Variants in C1orf87 observed in about 807,000 individuals in gnomAD.
C1orf87 encodes chromosome 1 open reading frame 87, also known as uncharacterized protein C1orf87.
Under a neutral mutation model 60.5 loss-of-function variants are expected in C1orf87, and 58 were observed. The ratio of observed to expected loss-of-function variants is 0.96; its 90% CI spans 0.78 to 1.19. The LOEUF (loss-of-function observed/expected upper bound fraction) is 1.19. Among genes scored for constraint, C1orf87 ranks in the 50% most tolerant of loss-of-function variants. C1orf87 has a pLI of 0.00. For synonymous variants in C1orf87, 236 were observed against 227.4 expected (o/e 1.04, Z -0.34); for missense variants, 673 against 638.6 (o/e 1.05, Z -0.58).
chr1:59,992,988 T>C (rs1362350705), intron 11 of C1orf87, among the ~76,000 whole-genome samples: 2 of 152,216 alleles, frequency 1.3e-5, no homozygotes, highest in Non-Finnish European at 2.9e-5. Context: ...GGATGGCTGC[T>C]CTCAGTCCTG....
Position 59,990,897 on chromosome 1 carries a change from A to G in C1orf87, c.1481-64T>C, listed in dbSNP as rs556085868. On this transcript the variant is annotated intron_variant, in intron 11 of 11. Coordinates refer to ENST00000371201, the MANE Select transcript of C1orf87 (RefSeq NM_152377.3). ...GGATGGAGGGAAAACAGAGAAAACT[A>G]TATATTAGCTTGAATGACTTCCAGG... 17 of 1,507,962 alleles carry G rather than the reference A, an allele frequency of 1.1e-5. No homozygotes were observed. In the South Asian group the frequency reaches 1.4e-4, roughly 13 times the overall value. 93.4% of individuals were successfully genotyped at this position (1,507,962 alleles called of 1,614,324 possible). A position where few individuals can be genotyped will look rare whatever the true frequency, so the allele number is the denominator to read the frequency against.
At chr1:60,064,123 A>G (rs1202418376) in intron 2 of C1orf87, among the ~76,000 whole-genome samples, 1 of 151,530 alleles carries the variant, frequency 6.6e-6, no homozygotes, top group Admixed American at 6.6e-5. Flanking sequence ...CTGACCTCCA[A>G]CATTGAACTC....
chr1:60,031,635 C>T (rs976174389), intron 7 of C1orf87, among the ~76,000 whole-genome samples: 1 of 152,048 alleles, frequency 6.6e-6, no homozygotes, highest in Admixed American at 6.5e-5. Flanking sequence ...TGCTAAATGC[C>T]TTCACATATT....
chr1:60,037,098 G>A (rs1190261441), intron 6 of C1orf87, among the ~76,000 whole-genome samples: 3 of 152,184 alleles, frequency 2.0e-5, no homozygotes, highest in Non-Finnish European at 2.9e-5. Flanking sequence ...GAGAGAGAGA[G>A]AAAACTCTGA....
chr1:60,059,140 A>C (rs561294895), intron 2 of C1orf87, among the ~76,000 whole-genome samples: 2 of 152,228 alleles, frequency 1.3e-5, no homozygotes, highest in African/African-American at 2.4e-5. Context: ...CTAGCTGAGA[A>C]ACGGCATGTG....
chr1:60,015,754 T>C (rs1297994306), intron 8 of C1orf87, among the ~76,000 whole-genome samples: 1 of 152,156 alleles, frequency 6.6e-6, no homozygotes, highest in African/African-American at 2.4e-5. Flanking sequence ...ATCACTTCTT[T>C]ATTTTCACTT....
chr1:60,067,173 A>T (rs1015436339), intron 2 of C1orf87, among the ~76,000 whole-genome samples: 1 of 152,070 alleles, frequency 6.6e-6, no homozygotes, highest in Non-Finnish European at 1.5e-5. Context: ...AATGATTTAT[A>T]ATCCTTTGGA....
chr1:60,038,840 A>T (rs1282693726), intron 5 of C1orf87, among the ~76,000 whole-genome samples: 1 of 152,180 alleles, frequency 6.6e-6, no homozygotes, highest in Admixed American at 6.5e-5. Flanking sequence ...GCTAAGCTGG[A>T]TGCCATCCTA....
intron 8 of C1orf87, among the ~76,000 whole-genome samples, chr1:60,020,112 C>G (rs1233249706): frequency 6.6e-6 from 1 of 152,130 alleles, no homozygotes; most frequent in Non-Finnish European, 1.5e-5. Context: ...TTCAGAGATC[C>G]TGGCAGCTCC....
intron 7 of C1orf87, among the ~76,000 whole-genome samples, chr1:60,028,031 T>C (rs1323037693): frequency 6.6e-6 from 1 of 152,140 alleles, no homozygotes; most frequent in African/African-American, 2.4e-5. Context: ...AAAGGATCAA[T>C]AATTATTGAG....
chr1:59,990,868 A>G, intron 11 of C1orf87, 35 bp from the exon 12 acceptor site: 1 of 1,604,864 alleles, frequency 6.2e-7, no homozygotes, highest in Non-Finnish European at 8.5e-7. Context: ...AGGTTTTTTA[A>G]AGAGGATGGA....
chr1:60,065,462 C>T (rs1466846531), intron 2 of C1orf87, among the ~76,000 whole-genome samples: 5 of 152,040 alleles, frequency 3.3e-5, no homozygotes. Context: ...TGCTCAGAGA[C>T]AGCTTCTGGG....
intron 3 of C1orf87, among the ~76,000 whole-genome samples, chr1:60,052,891 C>T (rs1250525624): frequency 6.6e-6 from 1 of 152,238 alleles, no homozygotes; most frequent in African/African-American, 2.4e-5. Context: ...ACCACACGCC[C>T]GCCCGGCAGA....
chr1:60,069,501 AG>A (rs35594275), intron 2 of C1orf87, among the ~76,000 whole-genome samples: 59,601 of 151,918 alleles, frequency 0.39, 12,215 homozygotes, highest in South Asian at 0.48. Flanking sequence ...GGCACAAATA[AG>A]GGGAAACCTG....
At chr1:60,066,004 ATAGTC>A (rs1288194666) in intron 2 of C1orf87, among the ~76,000 whole-genome samples, 2 of 152,174 alleles carry the variant, frequency 1.3e-5, no homozygotes, top group Non-Finnish European at 2.9e-5. Context: ...GTGCAATACA[ATAGTC>A]TAAAAAACAA....
At chr1:60,068,766 C>T (rs1394396268) in intron 2 of C1orf87, among the ~76,000 whole-genome samples, 1 of 152,164 alleles carries the variant, frequency 6.6e-6, no homozygotes, top group Non-Finnish European at 1.5e-5. Flanking sequence ...CTTTGGCCTA[C>T]AGTTTTGGCA....
At chr1:60,020,519 C>A (rs1472825171) in intron 8 of C1orf87, among the ~76,000 whole-genome samples, 2 of 152,174 alleles carry the variant, frequency 1.3e-5, no homozygotes, top group African/African-American at 4.8e-5. Context: ...GACATAGAAT[C>A]AAAAGAAATT....
chr1:60,071,195 T>G (rs1225250874), intron 2 of C1orf87, among the ~76,000 whole-genome samples: 1 of 152,190 alleles, frequency 6.6e-6, no homozygotes, highest in African/African-American at 2.4e-5. Flanking sequence ...TTTTGTTACA[T>G]TTTTTATATC....
intron 7 of C1orf87, among the ~76,000 whole-genome samples, chr1:60,028,286 A>G (rs1293759062): frequency 6.6e-6 from 1 of 152,186 alleles, no homozygotes; most frequent in Non-Finnish European, 1.5e-5. Flanking sequence ...GGCAACACTG[A>G]GTTTTGCTTT....
Sources: gnomAD v4.1 joint callset for allele counts (sites outside exome capture counted in the v4.1 genomes callset) on GRCh38, gnomAD v4.1.1 for gene constraint, MANE v1.5 for transcripts, NCBI Gene and HGNC (gene_info 2026-07-23, HGNC 2026-07-21) for gene names.